MUSK: variants seen among roughly 807,000 people sequenced by gnomAD.
MUSK encodes muscle associated receptor tyrosine kinase.
In MUSK, 55 loss-of-function variants were observed where a neutral mutation model predicts 88.7. That is an observed-to-expected ratio of 0.62 (90% CI 0.50 to 0.78). The LOEUF (loss-of-function observed/expected upper bound fraction) is 0.78, where lower values mean the gene tolerates loss of function less well. Among genes scored for constraint, MUSK ranks in the 30% least tolerant of loss-of-function variants. The pLI is 0.00. For synonymous variants in MUSK, 387 were observed against 391.9 expected, an observed-to-expected ratio of 0.99 and a Z score of 0.15; for missense variants, 1,015 against 1,074.3, an observed-to-expected ratio of 0.94 and a Z score of 0.77.
At position 110,745,238 on chromosome 9, in the gene MUSK, T is replaced by C. The variant is rs73655614; in HGVS notation, c.754-2403T>C. ...TCAGGCAGTTTAAAAATTGCTTCTC[T>C]TTCCTACTAAGGATGTTTTCAGTGA... On this transcript the variant is annotated intron_variant, in intron 6 of 14. Coordinates refer to ENST00000374448, the MANE Select transcript of MUSK (RefSeq NM_005592.4). 6.4e-3 allele frequency among the ~76,000 whole-genome samples: 978 copies of C among 152,308 alleles called. 8 individuals carry two copies. Among genetic ancestry groups the C allele is most frequent in the African/African-American group, 0.023 (944 of 41,562 alleles).
intron 5 of MUSK, among the ~76,000 whole-genome samples, chr9:110,708,236 A>G (rs936846203): frequency 1.3e-5 from 2 of 152,042 alleles, no homozygotes; most frequent in African/African-American, 4.8e-5. Flanking sequence ...CTAGAGATCA[A>G]ATTTACTTGT....
At chr9:110,697,180 T>C in intron 4 of MUSK, 145 bp from the exon 5 acceptor site, 1 of 765,052 alleles carries the variant, frequency 1.3e-6, no homozygotes, top group Non-Finnish European at 2.1e-6. Flanking sequence ...TAATATTGTA[T>C]GTTTTACATA....
intron 2 of MUSK, among the ~76,000 whole-genome samples, chr9:110,686,854 A>G (rs1274931639): frequency 2.0e-5 from 3 of 152,142 alleles, no homozygotes; most frequent in South Asian, 2.1e-4. Context: ...TAAACTTTAC[A>G]TTTTGTCTTA....
At chr9:110,682,582 C>T in intron 1 of MUSK, 92 bp from the exon 2 acceptor site, 1 of 1,253,890 alleles carries the variant, frequency 8.0e-7, no homozygotes, top group Non-Finnish European at 1.1e-6. Context: ...ACAGAATTCT[C>T]ATTCAGGTAT....
At chr9:110,672,399 G>A (rs1158084442) in intron 1 of MUSK, among the ~76,000 whole-genome samples, 4 of 152,106 alleles carry the variant, frequency 2.6e-5, no homozygotes, top group African/African-American at 9.7e-5. Context: ...TCTTTATAGT[G>A]CCCCTGACCT....
intron 5 of MUSK, chr9:110,706,302 C>CA (rs2076597607): frequency 3.3e-6 from 1 of 304,682 alleles, no homozygotes; most frequent in Non-Finnish European, 6.5e-6. Flanking sequence ...GAGATGATGC[C>CA]ACCTAGCCTT....
chr9:110,787,786 G>A lies in MUSK; in HGVS notation c.1875G>A (p.Arg625=). The A allele has an allele frequency of 1.9e-6, 3 of 1,613,660 alleles. No homozygotes were observed. The highest frequency in any genetic ancestry group is 2.5e-6 in the Non-Finnish European group (3 of 1,179,736). Residue 625 remains arginine, a synonymous_variant, in exon 14 of 15, where the codon AGG becomes AGA. Coordinates refer to ENST00000374448, the MANE Select transcript of MUSK (RefSeq NM_005592.4). ...ASADMQADFQ[R]EAALMAEFDN... ...CAGATATGCAAGCGGACTTTCAGAGGGAGGCAGCCCTCATGGCAGAATTTG... is the reference window on the plus strand; with the variant it reads ...CAGATATGCAAGCGGACTTTCAGAGAGAGGCAGCCCTCATGGCAGAATTTG...
intron 9 of MUSK, among the ~76,000 whole-genome samples, chr9:110,772,804 C>G (rs192765257): frequency 7.2e-5 from 11 of 152,176 alleles, no homozygotes; most frequent in Admixed American, 2.0e-4. Context: ...CTGCTGATAA[C>G]TGGTAAGTTT....
chr9:110,776,548 C>A, intron 10 of MUSK, 84 bp from the exon 11 acceptor site: 2 of 1,092,066 alleles, frequency 1.8e-6, no homozygotes, highest in Non-Finnish European at 2.8e-6. Context: ...AGAGAACTTG[C>A]ATTTCTTAGC....
At chr9:110,756,600 C>T (rs2077328498) in intron 7 of MUSK, among the ~76,000 whole-genome samples, 1 of 151,326 alleles carries the variant, frequency 6.6e-6, no homozygotes, top group Admixed American at 6.6e-5. Flanking sequence ...TCTCTTAATT[C>T]TTAGGCAGTT....
chr9:110,712,816 G>T (rs2076689406), intron 5 of MUSK, among the ~76,000 whole-genome samples: 2 of 152,154 alleles, frequency 1.3e-5, no homozygotes, highest in South Asian at 4.1e-4. Flanking sequence ...TAATTCTTAA[G>T]GATACAGACG....
At chr9:110,695,603 T>C in intron 4 of MUSK, 73 bp downstream of exon 4, 1 of 1,213,298 alleles carries the variant, frequency 8.2e-7, no homozygotes, top group South Asian at 1.5e-5. Flanking sequence ...CACACTCAGT[T>C]ACACACTTAC....
At chr9:110,687,586 T>G (rs1384995453) in intron 3 of MUSK, among the ~76,000 whole-genome samples, 1 of 152,086 alleles carries the variant, frequency 6.6e-6, no homozygotes, top group Non-Finnish European at 1.5e-5. Flanking sequence ...CCGCCCACCT[T>G]GGCATCCTGA....
At position 110,806,056 on chromosome 9, in the gene MUSK, G is replaced by T. The variant is rs1446730830; in HGVS notation, c.*5068G>T. Among the ~76,000 whole-genome samples the T allele has an allele frequency of 6.6e-6, 1 of 151,808 alleles. No individual in the cohort carries two copies. The highest frequency in any genetic ancestry group is 2.4e-5 in the African/African-American group (1 of 41,342). On this transcript the variant is annotated 3_prime_UTR_variant, in exon 15 of 15. Transcript: ENST00000374448. ...GGTAAAAATTAAAAAAATAATAAAA[G>T]TTCCCTTCTTCCTTTTCATCTCTAG...
chr9:110,689,341 AATAT>A (rs1334510629), intron 3 of MUSK, among the ~76,000 whole-genome samples: 1 of 118,390 alleles, frequency 8.4e-6, no homozygotes, highest in Non-Finnish European at 1.6e-5. Context: ...TTTAAATATA[AATAT>A]ATAAATATAT....
intron 8 of MUSK, among the ~76,000 whole-genome samples, chr9:110,766,867 T>G (rs1303730101): frequency 6.6e-6 from 1 of 152,242 alleles, no homozygotes; most frequent in African/African-American, 2.4e-5. Flanking sequence ...TCACAGTGCC[T>G]ACACATAATA....
intron 2 of MUSK, among the ~76,000 whole-genome samples, chr9:110,684,577 C>T (rs1587893561): frequency 6.6e-6 from 1 of 151,730 alleles, no homozygotes; most frequent in East Asian, 1.9e-4. Context: ...GTAGTATGAA[C>T]ATTTTAATAA....
intron 8 of MUSK, among the ~76,000 whole-genome samples, chr9:110,767,252 TC>T (rs1182524234): frequency 6.6e-6 from 1 of 152,206 alleles, no homozygotes; most frequent in African/African-American, 2.4e-5. Flanking sequence ...TGCTTTCTCC[TC>T]CCTACATCAC....
At chr9:110,707,401 C>G (rs2076613743) in intron 5 of MUSK, among the ~76,000 whole-genome samples, 1 of 151,960 alleles carries the variant, frequency 6.6e-6, no homozygotes, top group South Asian at 2.1e-4. Context: ...TTTTAAAATG[C>G]ACTTATTTAT....
Sources: allele counts gnomAD v4.1 joint callset (sites outside exome capture counted in the v4.1 genomes callset), GRCh38; gene constraint gnomAD v4.1.1; transcripts MANE v1.5; gene names NCBI Gene and HGNC (gene_info 2026-07-23, HGNC 2026-07-21).